PCDHA2: variants seen among roughly 807,000 people sequenced by gnomAD.
PCDHA2 encodes the protein protocadherin alpha-2.
In PCDHA2, 58 loss-of-function variants were observed where a neutral mutation model predicts 66.0. That is an observed-to-expected ratio of 0.88 (90% CI 0.71 to 1.09). The LOEUF is 1.09. Ranked by LOEUF, PCDHA2 falls within the 50% of genes least tolerant of loss-of-function variation. The probability of loss-of-function intolerance (pLI) is 0.00; values close to 1 mark genes in which losing one functional copy is unlikely to be tolerated. For missense variants in PCDHA2, 1,267 were observed against 1,242.3 expected (o/e 1.02, Z -0.30); for synonymous variants, 634 against 554.0 (o/e 1.14, Z -2.03).
intron 1 of PCDHA2, among the ~76,000 whole-genome samples, chr5:140,963,229 G>A (rs1211084766): frequency 2.6e-5 from 4 of 152,134 alleles, no homozygotes; most frequent in African/African-American, 7.2e-5. Context: ...AGTAGACACT[G>A]TTTGATGGAT....
chr5:140,860,055 A>G (rs1466399941), intron 1 of PCDHA2: 6 of 151,228 alleles, frequency 4.0e-5, no homozygotes, highest in African/African-American at 1.2e-4. Context: ...TTGAGAGGCC[A>G]AGGTGGGAGG....
chr5:140,824,236 A>G (rs1554129815), intron 1 of PCDHA2: 1 of 1,505,494 alleles, frequency 6.6e-7, no homozygotes, highest in Admixed American at 1.7e-5. Context: ...GTACACAAAT[A>G]TTGTGGTACA....
At chr5:140,873,454 T>C (rs1251903132) in intron 1 of PCDHA2, among the ~76,000 whole-genome samples, 1 of 152,170 alleles carries the variant, frequency 6.6e-6, no homozygotes, top group African/African-American at 2.4e-5. Context: ...CAAATTTGCA[T>C]TTTAGATAAT....
chr5:140,954,992 G>A (rs1017301016), intron 1 of PCDHA2, among the ~76,000 whole-genome samples: 1 of 152,094 alleles, frequency 6.6e-6, no homozygotes, highest in Non-Finnish European at 1.5e-5. Flanking sequence ...TTCTGCATAT[G>A]GCTAGCCAAT....
intron 3 of PCDHA2, among the ~76,000 whole-genome samples, chr5:140,999,965 T>C (rs1439660759): frequency 1.3e-5 from 2 of 151,684 alleles, no homozygotes; most frequent in African/African-American, 4.8e-5. Flanking sequence ...TACCCAGGAG[T>C]AGCAGCTCTA....
chr5:140,968,866 A>C, intron 1 of PCDHA2: 1 of 1,614,230 alleles, frequency 6.2e-7, no homozygotes, highest in Non-Finnish European at 8.5e-7. Context: ...GCCCTCGGAC[A>C]TACTCTGAAA....
intron 1 of PCDHA2, chr5:140,829,079 A>C (rs1770100550): frequency 6.2e-7 from 1 of 1,611,828 alleles, no homozygotes; most frequent in South Asian, 1.1e-5. Flanking sequence ...CCATCCTCCC[A>C]TGGCGGGTCA....
At chr5:140,915,982 G>A (rs1563009608) in intron 1 of PCDHA2, among the ~76,000 whole-genome samples, 3 of 152,230 alleles carry the variant, frequency 2.0e-5, no homozygotes, top group South Asian at 2.1e-4. Flanking sequence ...ATTTGACTAC[G>A]GCTAAGCTGG....
At chr5:140,876,169 C>G in intron 1 of PCDHA2, 1 of 1,613,916 alleles carries the variant, frequency 6.2e-7, no homozygotes, top group African/African-American at 1.3e-5. Context: ...AATAACCGTC[C>G]TGGATGTGAA....
chr5:140,908,848 C>T (rs949816953), intron 1 of PCDHA2, among the ~76,000 whole-genome samples: 4 of 152,126 alleles, frequency 2.6e-5, no homozygotes, highest in East Asian at 3.9e-4. Context: ...GAGTAACATA[C>T]CCAAATGAGG....
intron 3 of PCDHA2, among the ~76,000 whole-genome samples, chr5:140,988,254 T>G (rs910037234): frequency 6.6e-6 from 1 of 152,188 alleles, no homozygotes; most frequent in East Asian, 1.9e-4. Context: ...AGCTCCCGCC[T>G]GTGAGTATCC....
chr5:140,858,726 C>A (rs115774489), intron 1 of PCDHA2: 4 of 481,590 alleles, frequency 8.3e-6, no homozygotes, highest in African/African-American at 8.1e-5. Context: ...GCAGTTCTGA[C>A]GATTTACTTT....
rs2150184620 is a variant in PCDHA2 at position 140,830,293 on chromosome 5, G to T, written c.2388+32941G>T. On this transcript the variant is annotated intron_variant, in intron 1 of 3. Transcript: ENST00000526136. ...CACCCACCGAGGGCGCGTGCACGGC[G>T]GACAAGCCCACGCTGGTGTGCTCCA... The T allele has an allele frequency of 1.5e-5, 25 of 1,613,858 alleles. No homozygotes were observed. The South Asian group carries it at 2.7e-4, about 18-fold the overall frequency.
At position 140,835,969 on chromosome 5, in the gene PCDHA2, A is replaced by G; in HGVS notation, c.2388+38617A>G. 6.2e-7 allele frequency: 1 copy of G among 1,613,162 alleles called. No homozygotes were observed. The highest frequency in any genetic ancestry group is 1.7e-5 in the Admixed American group (1 of 60,006). On this transcript the variant is annotated intron_variant, in intron 1 of 3. Transcript: ENST00000526136. ...CAGCCGTTGGACCACGAGGAGCTGG[A>G]GCTGTTGCAGTTCCAGGTGAGCGCG... is the stretch of plus-strand genomic sequence containing the variant.
Position 140,808,807 on chromosome 5 carries a change from C to G in PCDHA2, c.2388+11455C>G, listed in dbSNP as rs7707144. ...AGTTTCAGGTGACCGCTCGCGATGC[C>G]GGCGTGCCACCTCTGGGCAGCAACG... is the stretch of plus-strand genomic sequence containing the variant. On this transcript the variant is annotated intron_variant, in intron 1 of 3. Transcript: ENST00000526136. The G allele has an allele frequency of 9.9e-3, 16,035 of 1,612,652 alleles. 1,348 individuals carry two copies. In the African/African-American group the frequency reaches 0.19, roughly 19 times the overall value.
Position 141,003,903 on chromosome 5 carries a change from G to C in PCDHA2, c.2537-5724G>C, listed in dbSNP as rs150270772. Among the ~76,000 whole-genome samples, 254 of 152,194 alleles carry C rather than the reference G, an allele frequency of 1.7e-3. 1 individual carries two copies. Among genetic ancestry groups the C allele is most frequent in the Non-Finnish European group, 3.4e-3 (231 of 67,998 alleles). ...AGCCTCTTAACAGGCCCATTCATTT[G>C]GGTCTTGACTGCATCCTCAGTCTTG... On this transcript the variant is annotated intron_variant, in intron 3 of 3. Coordinates refer to ENST00000526136, the MANE Select transcript of PCDHA2 (RefSeq NM_018905.3).
At chr5:140,835,822 G>A (rs2150245895) in intron 1 of PCDHA2, 5 of 1,612,688 alleles carry the variant, frequency 3.1e-6, no homozygotes, top group South Asian at 2.2e-5. Context: ...GTGTCGGCGG[G>A]GGACGCGGAC....
In PCDHA2 at chr5:140,856,281, T is replaced by C. The variant is rs782635462; in HGVS notation, c.2388+58929T>C. On this transcript the variant is annotated intron_variant, in intron 1 of 3. Transcript: ENST00000526136. The stretch of plus-strand genomic sequence containing the variant: ...CACGGGGACCTTCTGGAGGTAAATC[T>C]GCAGAATGGCATTTTGTTTGTGAAT... 8.1e-6 allele frequency: 13 copies of C among 1,598,288 alleles called. 1 individual carries two copies. Among genetic ancestry groups the C allele is most frequent in the Non-Finnish European group, 1.1e-5 (13 of 1,168,008 alleles).
chr5:140,833,590 T>C (rs2150209635), intron 1 of PCDHA2, among the ~76,000 whole-genome samples: 1 of 152,296 alleles, frequency 6.6e-6, no homozygotes, highest in East Asian at 1.9e-4. Flanking sequence ...AAACAGTATA[T>C]ATAGATTCTG....
Sources: allele counts gnomAD v4.1 joint callset (sites outside exome capture counted in the v4.1 genomes callset), GRCh38; gene constraint gnomAD v4.1.1; transcripts MANE v1.5; gene names NCBI Gene and HGNC (gene_info 2026-07-23, HGNC 2026-07-21).